PRKG2: variants seen among roughly 807,000 people sequenced by gnomAD.
PRKG2 encodes cGMP-dependent protein kinase 2.
A neutral mutation model predicts 97.2 loss-of-function variants in PRKG2; 33 were observed. That is an observed-to-expected ratio of 0.34 (90% confidence interval 0.26 to 0.45). The LOEUF (loss-of-function observed/expected upper bound fraction) is 0.45. PRKG2 is among the 20% of genes least tolerant of loss of function. The probability of loss-of-function intolerance (pLI) is 1.00; values close to 1 mark genes in which losing one functional copy is unlikely to be tolerated. For synonymous variants in PRKG2, 330 were observed against 321.8 expected, an observed-to-expected ratio of 1.03 and a Z score of -0.27; for missense variants, 638 against 900.0, an observed-to-expected ratio of 0.71 and a Z score of 3.73.
chr4:81,144,506 T>C, intron 9 of PRKG2, among the ~76,000 whole-genome samples, 176 bp from the exon 10 acceptor site: 1 of 151,954 alleles, frequency 6.6e-6, no homozygotes, highest in Non-Finnish European at 1.5e-5. Flanking sequence ...AAAAGCTATA[T>C]ATAATTGATC....
At chr4:81,143,195 T>C (rs1183429186) in intron 10 of PRKG2, among the ~76,000 whole-genome samples, 1 of 152,158 alleles carries the variant, frequency 6.6e-6, no homozygotes, top group Non-Finnish European at 1.5e-5. Flanking sequence ...GTTGAATCAA[T>C]GAGAGGTAAA....
intron 8 of PRKG2, among the ~76,000 whole-genome samples, chr4:81,150,772 C>G (rs964473012): frequency 6.6e-6 from 1 of 151,928 alleles, no homozygotes; most frequent in Non-Finnish European, 1.5e-5. Flanking sequence ...AATCTGTAAG[C>G]GTTAAGAACA....
At chr4:81,216,722 T>G (rs1006631441), upstream of PRKG2, among the ~76,000 whole-genome samples, 6 of 152,076 alleles carry the variant, frequency 3.9e-5, no homozygotes, top group African/African-American at 1.4e-4. Context: ...TGTCTGTTAT[T>G]CCATTCTGGA....
At chr4:81,104,295 T>C in intron 17 of PRKG2, 75 bp downstream of exon 17, 1 of 1,132,662 alleles carries the variant, frequency 8.8e-7, no homozygotes, top group Non-Finnish European at 1.2e-6. Flanking sequence ...TGTGGCCTCC[T>C]GAGAGAAGCT....
intron 4 of PRKG2, among the ~76,000 whole-genome samples, chr4:81,170,083 T>C (rs1251606643): frequency 6.6e-6 from 1 of 152,146 alleles, no homozygotes; most frequent in Non-Finnish European, 1.5e-5. Flanking sequence ...GTGCTCTAGA[T>C]TTCTGCTGTA....
At chr4:81,194,430 C>G (rs532327615) in intron 2 of PRKG2, among the ~76,000 whole-genome samples, 15 of 151,554 alleles carry the variant, frequency 9.9e-5, no homozygotes, top group Non-Finnish European at 2.1e-4. Flanking sequence ...AATAAATGCA[C>G]AAGTTTATAA....
chr4:81,148,855 C>T (rs766463636), intron 9 of PRKG2, 29 bp downstream of exon 9: 1 of 1,593,108 alleles, frequency 6.3e-7, no homozygotes. Flanking sequence ...GTGGCAGTGG[C>T]CTGCCTCCTC....
chr4:81,178,378 C>A (rs1416101339), intron 2 of PRKG2, among the ~76,000 whole-genome samples: 1 of 151,586 alleles, frequency 6.6e-6, no homozygotes, highest in African/African-American at 2.4e-5. Context: ...AGAGAAAAGC[C>A]CAAATGACTA....
chr4:81,205,604 A>G (rs1313918745), intron 1 of PRKG2, among the ~76,000 whole-genome samples: 1 of 152,200 alleles, frequency 6.6e-6, no homozygotes, highest in Non-Finnish European at 1.5e-5. Flanking sequence ...TGCTGTATGT[A>G]TCTATTAAGT....
At chr4:81,188,130 A>C (rs1281555738) in intron 2 of PRKG2, among the ~76,000 whole-genome samples, 3 of 152,182 alleles carry the variant, frequency 2.0e-5, no homozygotes, top group East Asian at 1.9e-4. Flanking sequence ...TCATCTGACA[A>C]AGGGCTAATT....
intron 9 of PRKG2, among the ~76,000 whole-genome samples, chr4:81,147,625 G>A (rs1747986850): frequency 6.6e-6 from 1 of 152,084 alleles, no homozygotes; most frequent in African/African-American, 2.4e-5. Context: ...TTGAACACAT[G>A]CTTGGGAGCC....
intron 2 of PRKG2, chr4:81,192,227 T>G (rs1752596170): frequency 1.3e-5 from 2 of 152,272 alleles, no homozygotes; most frequent in Non-Finnish European, 2.9e-5. Context: ...GTACTTCCAT[T>G]AAATAAATTT....
At chr4:81,151,114 G>A (rs2110056499) in intron 8 of PRKG2, among the ~76,000 whole-genome samples, 1 of 152,080 alleles carries the variant, frequency 6.6e-6, no homozygotes, top group South Asian at 2.1e-4. Flanking sequence ...CAGAATTGGG[G>A]TTTCATAGGC....
At chr4:81,149,923 A>G (rs552080861) in intron 8 of PRKG2, among the ~76,000 whole-genome samples, 1 of 152,178 alleles carries the variant, frequency 6.6e-6, no homozygotes, top group African/African-American at 2.4e-5. Flanking sequence ...TATTTCAAAG[A>G]CCCCTATCTA....
intron 1 of PRKG2, among the ~76,000 whole-genome samples, chr4:81,206,292 C>T (rs1443101241): frequency 6.6e-6 from 1 of 152,208 alleles, no homozygotes; most frequent in Admixed American, 6.5e-5. Context: ...CAAATCTCAT[C>T]TTGAACTGTA....
intron 3 of PRKG2, among the ~76,000 whole-genome samples, chr4:81,173,365 C>T (rs1750655197): frequency 6.6e-6 from 1 of 152,068 alleles, no homozygotes; most frequent in South Asian, 2.1e-4. Context: ...CTCCCTGAGC[C>T]TTTCATCAGA....
At position 81,093,402 on chromosome 4, in the gene PRKG2, CACAA is replaced by C. The variant is rs1333895828; in HGVS notation, c.2127-954_2127-951del. ...ACACACACACACACACACACACACA[CACAA>C]GCTTCTTATCCTCCTTCCCTACTTT... On this transcript the variant is annotated intron_variant, in intron 17 of 18. Coordinates refer to ENST00000264399, the MANE Select transcript of PRKG2 (RefSeq NM_006259.3). Among the ~76,000 whole-genome samples, 97 of 144,082 alleles carry C rather than the reference CACAA, an allele frequency of 6.7e-4. 1 individual carries two copies. The highest frequency in any genetic ancestry group is 2.6e-3 in the African/African-American group (95 of 36,380). 94.5% of individuals were successfully genotyped at this position (144,082 alleles called of 152,430 possible).
chr4:81,158,636 C>A (rs979173006), intron 6 of PRKG2, among the ~76,000 whole-genome samples: 6 of 152,072 alleles, frequency 3.9e-5, no homozygotes, highest in Non-Finnish European at 7.3e-5. Context: ...GCCCGCATCA[C>A]CAAGTCAATC....
At chr4:81,150,749 G>T (rs1260457580) in intron 8 of PRKG2, among the ~76,000 whole-genome samples, 7 of 152,080 alleles carry the variant, frequency 4.6e-5, no homozygotes, top group Non-Finnish European at 1.0e-4. Context: ...TGTTTTGCTT[G>T]AAAGTATGAG....
Sources: gnomAD v4.1 joint callset for allele counts (sites outside exome capture counted in the v4.1 genomes callset) on GRCh38, gnomAD v4.1.1 for gene constraint, MANE v1.5 for transcripts, NCBI Gene and HGNC (gene_info 2026-07-23, HGNC 2026-07-21) for gene names.